ONECUT2: variants seen among roughly 807,000 people sequenced by gnomAD.
ONECUT2 encodes the protein one cut homeobox 2.
ONECUT2 carries 10 observed loss-of-function variants against 27.9 expected under a neutral mutation model. The ratio of observed to expected loss-of-function variants is 0.36; its 90% CI spans 0.22 to 0.61. The LOEUF is 0.61. ONECUT2 is among the 20% of genes least tolerant of loss of function. The probability of loss-of-function intolerance (pLI) is 0.73; values close to 1 mark genes in which losing one functional copy is unlikely to be tolerated. For missense variants in ONECUT2, 686 were observed against 721.0 expected, an observed-to-expected ratio of 0.95 and a Z score of 0.56; for synonymous variants, 334 against 315.1, an observed-to-expected ratio of 1.06 and a Z score of -0.64.
intron 1 of ONECUT2, among the ~76,000 whole-genome samples, chr18:57,468,464 A>G (rs922292280): frequency 6.6e-6 from 1 of 152,248 alleles, no homozygotes; most frequent in East Asian, 1.9e-4. Flanking sequence ...AGAAATCACA[A>G]TGAAGCAAGG....
chr18:57,452,345 C>A (rs1162733208), intron 1 of ONECUT2, among the ~76,000 whole-genome samples: 1 of 152,244 alleles, frequency 6.6e-6, no homozygotes, highest in African/African-American at 2.4e-5. Flanking sequence ...CAGAATCCCA[C>A]TGCTCTAGTG....
chr18:57,436,351 G>A lies in ONECUT2; in HGVS notation c.635G>A (p.Ser212Asn), dbSNP rs1358160743. ...RGLPAMNNLY[S>N]PYKEMPGMSQ... Reference sequence around the variant, plus strand: ...CTCCCGGCCATGAACAACCTCTACAGTCCCTACAAGGAGATGCCCGGCATG... The same window carrying A: ...CTCCCGGCCATGAACAACCTCTACAATCCCTACAAGGAGATGCCCGGCATG... Residue 212 changes from serine (S) to asparagine (N), a missense_variant, in exon 1 of 2, where the codon AGT (serine) becomes AAT (asparagine). By Grantham distance (46) the Ser-to-Asn change is conservative. This residue lies in a region of ONECUT2 where 511 missense variants were observed against 488.1 expected (regional missense o/e 1.05). Transcript: ENST00000491143. The surrounding 1 kb of genome is among the most constrained non-coding windows in gnomAD (Gnocchi z 5.9). The A allele has an allele frequency of 1.2e-6, 2 of 1,606,324 alleles. No homozygotes were observed. The highest frequency in any genetic ancestry group is 1.7e-6 in the Non-Finnish European group (2 of 1,179,860).
At chr18:57,476,294 A>T in intron 1 of ONECUT2, 143 bp from the exon 2 acceptor site, 1 of 780,788 alleles carries the variant, frequency 1.3e-6, no homozygotes, top group Non-Finnish European at 2.0e-6. Flanking sequence ...GATTACAGGG[A>T]AGGCTGGTTA....
chr18:57,436,676 G>A lies in ONECUT2; in HGVS notation c.960G>A (p.Ser320=), dbSNP rs748744251. The part of the protein sequence containing the change: ...PSRERPPSSS[S]GSQVATSGQL... ...GCGAGCGGCCACCCTCGTCCTCATC[G>A]GGCTCGCAGGTGGCCACGTCGGGCC... The change falls in exon 1 of 2, where the codon TCG becomes TCA. Residue 320 remains serine, a synonymous_variant. Transcript: ENST00000491143. The surrounding 1 kb of genome is among the most constrained non-coding windows in gnomAD (Gnocchi z 5.9). 2.5e-6 allele frequency: 4 copies of A among 1,612,966 alleles called. No individual in the cohort carries two copies. The highest frequency in any genetic ancestry group is 3.4e-6 in the Non-Finnish European group (4 of 1,179,978).
Position 57,476,878 on chromosome 18 carries a change from T to A in ONECUT2, c.*155T>A. 1 of 827,110 alleles carries A rather than the reference T, an allele frequency of 1.2e-6. No individual in the cohort carries two copies. The highest frequency in any genetic ancestry group is 1.8e-6 in the Non-Finnish European group (1 of 542,344). 51.2% of individuals were successfully genotyped at this position (827,110 alleles called of 1,614,324 possible). A position where few individuals can be genotyped will look rare whatever the true frequency, so the allele number is the denominator to read the frequency against. ...TGCAAAGAAACTTATATTCTAGCTGTAATCATAGGCCAGGTGTTCTTCTTT... is the reference window on the plus strand; with the variant it reads ...TGCAAAGAAACTTATATTCTAGCTGAAATCATAGGCCAGGTGTTCTTCTTT... On this transcript the variant is annotated 3_prime_UTR_variant, in exon 2 of 2. Transcript: ENST00000491143.
chr18:57,449,270 T>C (rs757072034), intron 1 of ONECUT2, among the ~76,000 whole-genome samples: 21 of 152,294 alleles, frequency 1.4e-4, no homozygotes, highest in Middle Eastern at 3.4e-3. Context: ...TAGATTAAGA[T>C]CCAGAAGAGG....
rs1249613254 is a variant in ONECUT2, at chr18:57,476,619, A to G, written c.1411A>G (p.Ser471Gly). 6.2e-7 allele frequency: 1 copy of G among 1,614,218 alleles called. No homozygotes were observed. The highest frequency in any genetic ancestry group is 1.1e-5 in the South Asian group (1 of 91,088). ...QQLGLELTTVSNFFMNARRRS... is the reference protein window; with the variant it reads ...QQLGLELTTVGNFFMNARRRS... Reference sequence around the variant, plus strand: ...GCTGGGCCTGGAGCTCACAACCGTCAGCAACTTCTTCATGAACGCCCGGCG... The same window carrying G: ...GCTGGGCCTGGAGCTCACAACCGTCGGCAACTTCTTCATGAACGCCCGGCG... Residue 471 changes from serine (S) to glycine (G), a missense_variant, in exon 2 of 2, where the codon AGC becomes GGC. Coordinates refer to ENST00000491143, the MANE Select transcript of ONECUT2 (RefSeq NM_004852.3).
In ONECUT2 at chr18:57,477,022, G is replaced by A; in HGVS notation, c.*299G>A. 1 of 390,184 alleles carries A rather than the reference G, an allele frequency of 2.6e-6. No individual in the cohort carries two copies. Among genetic ancestry groups the A allele is most frequent in the African/African-American group, 2.0e-5 (1 of 49,342 alleles). The allele number at this position is 390,184 out of a possible 1,614,324, so 24.2% of individuals were successfully genotyped here. A position where few individuals can be genotyped will look rare whatever the true frequency, so the allele number is the denominator to read the frequency against. ...CCCAAATGGGGCCTTCCTGGAGCGA[G>A]TTAATTCCAGTATGGTGTCAACCAA... is the stretch of plus-strand genomic sequence containing the variant. On this transcript the variant is annotated 3_prime_UTR_variant, in exon 2 of 2. Coordinates refer to ENST00000491143, the MANE Select transcript of ONECUT2 (RefSeq NM_004852.3).
At chr18:57,453,319 C>T (rs1394089957) in intron 1 of ONECUT2, among the ~76,000 whole-genome samples, 1 of 152,216 alleles carries the variant, frequency 6.6e-6, no homozygotes, top group Non-Finnish European at 1.5e-5. Flanking sequence ...CTTAGCTGCT[C>T]TGACTATGTT....
chr18:57,453,005 G>T (rs955903349), intron 1 of ONECUT2, among the ~76,000 whole-genome samples: 2 of 152,304 alleles, frequency 1.3e-5, no homozygotes, highest in South Asian at 2.1e-4. Flanking sequence ...TTAAACTTAG[G>T]TTCTACATCT....
At position 57,477,897 on chromosome 18, in the gene ONECUT2, G is replaced by T. The variant is rs533314967; in HGVS notation, c.*1174G>T. 6.6e-6 allele frequency: 1 copy of T among 152,604 alleles called. No homozygotes were observed. Among genetic ancestry groups the T allele is most frequent in the African/African-American group, 2.4e-5 (1 of 41,518 alleles). 9.5% of individuals were successfully genotyped at this position (152,604 alleles called of 1,614,324 possible). A position where few individuals can be genotyped will look rare whatever the true frequency, so the allele number is the denominator to read the frequency against. On this transcript the variant is annotated 3_prime_UTR_variant, in exon 2 of 2. Coordinates refer to ENST00000491143, the MANE Select transcript of ONECUT2 (RefSeq NM_004852.3). ...AAAAAAAAATCAATCAATCAAACCT[G>T]CATACATGTTACTCATGACTGTCAT...
rs1157929529 is a variant in ONECUT2 at position 57,480,172 on chromosome 18, C to T, written c.*3449C>T. The T allele has an allele frequency of 2.6e-5, 4 of 152,194 alleles. No homozygotes were observed. Among genetic ancestry groups the T allele is most frequent in the Non-Finnish European group, 5.9e-5 (4 of 68,048 alleles). 9.4% of individuals were successfully genotyped at this position (152,194 alleles called of 1,614,324 possible). A position where few individuals can be genotyped will look rare whatever the true frequency, so the allele number is the denominator to read the frequency against. On this transcript the variant is annotated 3_prime_UTR_variant, in exon 2 of 2. Coordinates refer to ENST00000491143, the MANE Select transcript of ONECUT2 (RefSeq NM_004852.3). Reference sequence around the variant, plus strand: ...GCAGGAGCTGTGAGAGAATGTGACTCTCCACAATTTTTATAATTCATCCTT... The same window carrying T: ...GCAGGAGCTGTGAGAGAATGTGACTTTCCACAATTTTTATAATTCATCCTT...
chr18:57,444,843 G>C (rs535512399), intron 1 of ONECUT2, among the ~76,000 whole-genome samples: 1 of 152,076 alleles, frequency 6.6e-6, no homozygotes, highest in Admixed American at 6.5e-5. Flanking sequence ...TGGGCATTAA[G>C]CCCACACTCC....
At chr18:57,463,280 T>C (rs1279930348) in intron 1 of ONECUT2, among the ~76,000 whole-genome samples, 1 of 152,196 alleles carries the variant, frequency 6.6e-6, no homozygotes, top group Non-Finnish European at 1.5e-5. Context: ...TTTCTGTCCT[T>C]TTCCACTGGT....
chr18:57,447,225 C>A (rs1474210637), intron 1 of ONECUT2, among the ~76,000 whole-genome samples: 2 of 152,228 alleles, frequency 1.3e-5, no homozygotes, highest in African/African-American at 4.8e-5. Context: ...GCCTGGAGCC[C>A]CTGGTAGCAG....
In ONECUT2 at chr18:57,481,991, G is replaced by T. The variant is rs563011823; in HGVS notation, c.*5268G>T. On this transcript the variant is annotated 3_prime_UTR_variant, in exon 2 of 2. Transcript: ENST00000491143. The stretch of plus-strand genomic sequence containing the variant: ...TAGATGAAGAAGGGGTAGAGCTGGT[G>T]TATCTATAACTTTCTGATATTTGTC... The T allele has an allele frequency of 6.6e-6, 1 of 152,136 alleles. No individual in the cohort carries two copies. Among genetic ancestry groups the T allele is most frequent in the Non-Finnish European group, 1.5e-5 (1 of 68,008 alleles). 9.4% of individuals were successfully genotyped at this position (152,136 alleles called of 1,614,324 possible). A position where few individuals can be genotyped will look rare whatever the true frequency, so the allele number is the denominator to read the frequency against.
Position 57,477,051 on chromosome 18 carries a change from C to G in ONECUT2, c.*328C>G, listed in dbSNP as rs1174570585. ...ATTCCAGTATGGTGTCAACCAAGCT[C>G]GGGATTGCTTAAAATATCATCCATC... On this transcript the variant is annotated 3_prime_UTR_variant, in exon 2 of 2. Transcript: ENST00000491143. 3.3e-6 allele frequency: 1 copy of G among 303,924 alleles called. No individual in the cohort carries two copies. Among genetic ancestry groups the G allele is most frequent in the African/African-American group, 2.2e-5 (1 of 46,326 alleles). The allele number at this position is 303,924 out of a possible 1,614,324, so 18.8% of individuals were successfully genotyped here.
chr18:57,436,551 C>G lies in ONECUT2; in HGVS notation c.835C>G (p.Arg279Gly), dbSNP rs1320317607. ...MLTRGEQHLS[R>G]GLGTPPAAMM... ...GACCCGCGGTGAGCAACACCTGTCCCGCGGCCTGGGCACCCCACCTGCGGC... is the reference window on the plus strand; with the variant it reads ...GACCCGCGGTGAGCAACACCTGTCCGGCGGCCTGGGCACCCCACCTGCGGC... Residue 279 changes from arginine to glycine, a missense_variant, in exon 1 of 2, where the codon CGC (arginine) becomes GGC (glycine). By Grantham distance (125) the Arg-to-Gly change is moderately radical. This residue lies in a region of ONECUT2 where 511 missense variants were observed against 488.1 expected (regional missense o/e 1.05). Coordinates refer to ENST00000491143, the MANE Select transcript of ONECUT2 (RefSeq NM_004852.3). This position sits in a 1 kb window ranked among gnomAD's most constrained non-coding sequence, Gnocchi z 5.9. The G allele has an allele frequency of 6.2e-7, 1 of 1,611,912 alleles. No homozygotes were observed. The highest frequency in any genetic ancestry group is 1.1e-5 in the South Asian group (1 of 91,074).
At chr18:57,443,588 T>G (rs2050186934) in intron 1 of ONECUT2, among the ~76,000 whole-genome samples, 1 of 152,224 alleles carries the variant, frequency 6.6e-6, no homozygotes, top group Non-Finnish European at 1.5e-5. Flanking sequence ...GGCTTTTTGA[T>G]TTCCCAGTCT....
Sources: allele counts gnomAD v4.1 joint callset (sites outside exome capture counted in the v4.1 genomes callset), GRCh38; gene constraint gnomAD v4.1.1; regional missense constraint gnomAD v4.1.1; non-coding constraint Gnocchi (gnomAD v3.1); transcripts MANE v1.5; gene names NCBI Gene and HGNC (gene_info 2026-07-23, HGNC 2026-07-21).